GABRG3: variants seen among roughly 807,000 people sequenced by gnomAD.
The protein encoded by GABRG3 is gamma-aminobutyric acid receptor subunit gamma-3.
In GABRG3, 25 loss-of-function variants were observed where a neutral mutation model predicts 48.8. The ratio of observed to expected loss-of-function variants is 0.51; its 90% CI spans 0.37 to 0.72. The LOEUF (loss-of-function observed/expected upper bound fraction) is 0.72, where lower values mean the gene tolerates loss of function less well. GABRG3 is among the 30% of genes least tolerant of loss of function. The pLI is 0.00. For synonymous variants in GABRG3, 227 were observed against 217.6 expected, an observed-to-expected ratio of 1.04 and a Z score of -0.38; for missense variants, 394 against 577.9, an observed-to-expected ratio of 0.68 and a Z score of 3.26.
At chr15:27,021,243 T>C (rs377439839) in intron 2 of GABRG3, among the ~76,000 whole-genome samples, 1 of 152,214 alleles carries the variant, frequency 6.6e-6, no homozygotes, top group East Asian at 1.9e-4. Context: ...GGCAAGCTCA[T>C]GAGCATTTAA....
intron 5 of GABRG3, among the ~76,000 whole-genome samples, chr15:27,337,187 G>T (rs1426945485): frequency 1.3e-5 from 2 of 152,048 alleles, no homozygotes; most frequent in African/African-American, 2.4e-5. Context: ...GGTCTGCTTA[G>T]TTCTAAATGT....
At chr15:27,243,074 G>A (rs1157420701) in intron 3 of GABRG3, among the ~76,000 whole-genome samples, 1 of 152,164 alleles carries the variant, frequency 6.6e-6, no homozygotes. Flanking sequence ...GTAGCGTTTT[G>A]ATCTCTGATA....
intron 5 of GABRG3, among the ~76,000 whole-genome samples, chr15:27,441,183 G>C (rs1261063839): frequency 6.6e-6 from 1 of 152,204 alleles, no homozygotes; most frequent in Non-Finnish European, 1.5e-5. Flanking sequence ...CACTTTGCAT[G>C]ACTTCTGAAA....
chr15:27,173,097 T>C (rs1414415332), intron 3 of GABRG3, among the ~76,000 whole-genome samples: 1 of 152,214 alleles, frequency 6.6e-6, no homozygotes, highest in Non-Finnish European at 1.5e-5. Context: ...TTAGGAGGTC[T>C]ACATCACATC....
chr15:27,519,292 G>A (rs148880715), intron 6 of GABRG3, among the ~76,000 whole-genome samples: 38 of 152,204 alleles, frequency 2.5e-4, no homozygotes, highest in African/African-American at 8.7e-4. Flanking sequence ...TCAAGCCCCC[G>A]GGGGATCTTA....
intron 2 of GABRG3, among the ~76,000 whole-genome samples, chr15:26,990,267 C>T (rs1895223269): frequency 2.0e-5 from 3 of 152,142 alleles, no homozygotes; most frequent in Admixed American, 2.0e-4. Flanking sequence ...CCCTTTTCTC[C>T]ACATCCTTGC....
chr15:27,306,608 TATATAAACATATATA>T (rs1185043427), intron 3 of GABRG3, among the ~76,000 whole-genome samples: 29 of 128,270 alleles, frequency 2.3e-4, no homozygotes, highest in Admixed American at 1.9e-3. Context: ...CATATGTTTA[TATATAAACATATATA>T]ATATAAACAT....
intron 3 of GABRG3, among the ~76,000 whole-genome samples, chr15:27,033,867 G>T (rs10519582): frequency 6.6e-6 from 1 of 151,996 alleles, no homozygotes; most frequent in African/African-American, 2.4e-5. Context: ...TCTTGCTATT[G>T]TATTACAACC....
chr15:27,338,022 A>G (rs529436836), intron 5 of GABRG3, among the ~76,000 whole-genome samples: 1 of 152,262 alleles, frequency 6.6e-6, no homozygotes, highest in South Asian at 2.1e-4. Context: ...AGCACTAAAT[A>G]TGGAGCGAGG....
intron 5 of GABRG3, among the ~76,000 whole-genome samples, chr15:27,410,212 A>G (rs1317241784): frequency 6.6e-6 from 1 of 152,196 alleles, no homozygotes; most frequent in Non-Finnish European, 1.5e-5. Context: ...ACGGTGGATA[A>G]CATTGATATT....
At chr15:27,152,950 T>C (rs967566184) in intron 3 of GABRG3, among the ~76,000 whole-genome samples, 16 of 150,576 alleles carry the variant, frequency 1.1e-4, no homozygotes, top group South Asian at 2.1e-4. Flanking sequence ...AAGCTCCGCC[T>C]CCCGGGTTCA....
At chr15:27,285,271 G>T (rs1002398811) in intron 3 of GABRG3, among the ~76,000 whole-genome samples, 4 of 119,806 alleles carry the variant, frequency 3.3e-5, no homozygotes, top group African/African-American at 6.0e-5. Context: ...GTGTGTGTGT[G>T]TGTGTGTGTG....
chr15:27,208,852 G>A (rs1442410636), intron 3 of GABRG3, among the ~76,000 whole-genome samples: 1 of 152,216 alleles, frequency 6.6e-6, no homozygotes, highest in African/African-American at 2.4e-5. Flanking sequence ...CGGATTCTAT[G>A]CAAAGAAACT....
At chr15:27,302,329 A>G (rs1807388583) in intron 3 of GABRG3, among the ~76,000 whole-genome samples, 1 of 152,076 alleles carries the variant, frequency 6.6e-6, no homozygotes, top group African/African-American at 2.4e-5. Flanking sequence ...GTCTAAGCAG[A>G]TTGTGAAGAG....
chr15:27,014,436 A>C (rs555680387), intron 2 of GABRG3, among the ~76,000 whole-genome samples: 1 of 151,206 alleles, frequency 6.6e-6, no homozygotes, highest in African/African-American at 2.4e-5. Context: ...TACTGCTATA[A>C]ATTTCTTCCT....
intron 5 of GABRG3, among the ~76,000 whole-genome samples, chr15:27,369,802 G>A (rs1457749445): frequency 2.0e-3 from 169 of 85,490 alleles, no homozygotes; most frequent in African/African-American, 0.015. Context: ...GTGAGACTCC[G>A]TCTCAAAAAA....
intron 3 of GABRG3, among the ~76,000 whole-genome samples, chr15:27,222,015 T>C (rs988718072): frequency 1.3e-5 from 2 of 152,234 alleles, no homozygotes; most frequent in African/African-American, 4.8e-5. Flanking sequence ...AAATCTTTAA[T>C]ATATTCTTTC....
chr15:27,343,328 T>C (rs1327990792), intron 5 of GABRG3, among the ~76,000 whole-genome samples: 2 of 152,232 alleles, frequency 1.3e-5, no homozygotes, highest in Non-Finnish European at 2.9e-5. Context: ...TGTTGCCGAT[T>C]TAACAGCATG....
At chr15:27,450,758 A>T (rs1889086766) in intron 5 of GABRG3, among the ~76,000 whole-genome samples, 1 of 152,104 alleles carries the variant, frequency 6.6e-6, no homozygotes, top group Admixed American at 6.6e-5. Context: ...AAATCTTCTG[A>T]AAAAAAGAAC....
Sources: allele counts gnomAD v4.1 joint callset (sites outside exome capture counted in the v4.1 genomes callset), GRCh38; gene constraint gnomAD v4.1.1; transcripts MANE v1.5; gene names NCBI Gene and HGNC (gene_info 2026-07-23, HGNC 2026-07-21).